The following LRRN1 variants were observed in gnomAD, a reference collection of about 807,000 sequenced individuals.
LRRN1 encodes the protein leucine rich repeat neuronal 1.
A neutral mutation model predicts 45.8 loss-of-function variants in LRRN1; 14 were observed. The ratio of observed to expected loss-of-function variants is 0.31; its 90% CI spans 0.20 to 0.48. The LOEUF (loss-of-function observed/expected upper bound fraction) is 0.48. Among genes scored for constraint, LRRN1 ranks in the 20% least tolerant of loss-of-function variants. The probability of loss-of-function intolerance (pLI) is 0.99; values close to 1 mark genes in which losing one functional copy is unlikely to be tolerated. For missense variants in LRRN1, 789 were observed against 874.2 expected (o/e 0.90, Z 1.23); for synonymous variants, 359 against 330.1 (o/e 1.09, Z -0.95).
rs5846290 is a variant in LRRN1, at chr3:3,800,139, C to CA, written c.-279+237dup. Among the ~76,000 whole-genome samples the CA allele has an allele frequency of 6.7e-3, 693 of 103,894 alleles. 5 individuals are homozygous for CA. Among genetic ancestry groups the CA allele is most frequent in the African/African-American group, 0.019 (503 of 26,552 alleles). The allele number at this position is 103,894 out of a possible 152,430, so 68.2% of individuals were successfully genotyped here. On this transcript the variant is annotated intron_variant, in intron 1 of 1. Transcript: ENST00000319331. ...CCCCGTTTCCCCCCGTCCCCCTTGCCAAAAAAAAAAAAAAAAAGGTGTGGG... is the reference window on the plus strand; with the variant it reads ...CCCCGTTTCCCCCCGTCCCCCTTGCCAAAAAAAAAAAAAAAAAAGGTGTGGG...
At chr3:3,828,768 G>GA (rs946468270) in intron 1 of LRRN1, among the ~76,000 whole-genome samples, 7 of 151,854 alleles carry the variant, frequency 4.6e-5, no homozygotes, top group African/African-American at 1.5e-4. Context: ...CATGATAAAG[G>GA]AAAAAAATGA....
rs145715330 is a variant in LRRN1, at chr3:3,845,963, C to T, written c.1322C>T (p.Thr441Met). The T allele has an allele frequency of 1.2e-5, 20 of 1,614,068 alleles. No individual in the cohort carries two copies. The highest frequency in any genetic ancestry group is 4.5e-5 in the East Asian group (2 of 44,854). The stretch of plus-strand genomic sequence containing the variant: ...AATCGTTTAAACGTGGATATCGGCA[C>T]GACGGTTTTCCTAGACTGTCGAGCC... The part of the protein sequence containing the change: ...FPNRLNVDIG[T>M]TVFLDCRAMA... The change falls in exon 2 of 2, where the codon ACG (threonine) becomes ATG (methionine). Residue 441 changes from threonine to methionine, a missense_variant. By Grantham distance (81) the Thr-to-Met change is moderately conservative (BLOSUM62 -1). Transcript: ENST00000319331. The surrounding 1 kb of genome is among the most constrained non-coding windows in gnomAD (Gnocchi z 6.5).
intron 1 of LRRN1, among the ~76,000 whole-genome samples, chr3:3,800,197 A>G (rs1692616738): frequency 2.0e-5 from 3 of 149,992 alleles, no homozygotes; most frequent in East Asian, 3.9e-4. Context: ...GCCAGATAGA[A>G]ACAGGCAAAA....
chr3:3,840,144 C>T (rs1235589951), intron 1 of LRRN1, among the ~76,000 whole-genome samples: 1 of 151,996 alleles, frequency 6.6e-6, no homozygotes, highest in African/African-American at 2.4e-5. Context: ...TGTGTAGGTA[C>T]TTTCCTTCCA....
At chr3:3,822,409 T>C (rs773091307) in intron 1 of LRRN1, among the ~76,000 whole-genome samples, 1 of 152,204 alleles carries the variant, frequency 6.6e-6, no homozygotes, top group Non-Finnish European at 1.5e-5. Context: ...GAGCTAGCAG[T>C]TTAATTCCTG....
rs1403482010 is a variant in LRRN1, at chr3:3,816,799, G to C, written c.-279+16880G>C. ...AAAAGAAGGCTGCAATGTACTCTTG[G>C]GGTCCAATAAGACAATTAAGGCAGG... is the stretch of plus-strand genomic sequence containing the variant. On this transcript the variant is annotated intron_variant, in intron 1 of 1. Coordinates refer to ENST00000319331, the MANE Select transcript of LRRN1 (RefSeq NM_020873.7). This position sits in a 1 kb window ranked among gnomAD's most constrained non-coding sequence, Gnocchi z 4.0. Among the ~76,000 whole-genome samples, 1 of 152,044 alleles carries C rather than the reference G, an allele frequency of 6.6e-6. No individual in the cohort carries two copies. The highest frequency in any genetic ancestry group is 2.4e-5 in the African/African-American group (1 of 41,380).
chr3:3,803,896 C>A (rs905824318), intron 1 of LRRN1, among the ~76,000 whole-genome samples: 4 of 152,120 alleles, frequency 2.6e-5, no homozygotes, highest in Non-Finnish European at 5.9e-5. Context: ...CAGAATGTAG[C>A]CTCCCGAGTT....
At position 3,846,643 on chromosome 3, in the gene LRRN1, T is replaced by C. The variant is rs754669304; in HGVS notation, c.2002T>C (p.Tyr668His). ...RKNYHHSLKK[Y>H]MQKTSSIPLN... Reference sequence around the variant, plus strand: ...AAACTACCACCACTCATTAAAAAAGTATATGCAAAAAACCTCTTCAATCCC... The same window carrying C: ...AAACTACCACCACTCATTAAAAAAGCATATGCAAAAAACCTCTTCAATCCC... The change falls in exon 2 of 2, where the codon TAT becomes CAT. Residue 668 changes from tyrosine to histidine, a missense_variant. Tyr to His is a moderately conservative substitution (Grantham distance 83, BLOSUM62 2). Coordinates refer to ENST00000319331, the MANE Select transcript of LRRN1 (RefSeq NM_020873.7). The surrounding 1 kb of genome is among the most constrained non-coding windows in gnomAD (Gnocchi z 5.7). 6.2e-7 allele frequency: 1 copy of C among 1,613,974 alleles called. No homozygotes were observed. Among genetic ancestry groups the C allele is most frequent in the Admixed American group, 1.7e-5 (1 of 59,986 alleles).
intron 1 of LRRN1, among the ~76,000 whole-genome samples, chr3:3,844,045 T>G (rs1559311046): frequency 6.6e-6 from 1 of 151,110 alleles, no homozygotes. Flanking sequence ...GTGTGTGCAT[T>G]TGTGTGTGTG....
chr3:3,811,496 A>G (rs1256038564), intron 1 of LRRN1, among the ~76,000 whole-genome samples: 1 of 152,216 alleles, frequency 6.6e-6, no homozygotes, highest in East Asian at 1.9e-4. Flanking sequence ...TCCGTATCAT[A>G]TGTCTATTTC....
intron 1 of LRRN1, among the ~76,000 whole-genome samples, chr3:3,838,417 C>T (rs76972947): frequency 0.094 from 14,342 of 152,140 alleles, 690 homozygotes; most frequent in East Asian, 0.18. Context: ...TTTCCTTATC[C>T]ATTCATTTGT....
At chr3:3,821,204 C>G (rs1693098726) in intron 1 of LRRN1, among the ~76,000 whole-genome samples, 6 of 152,158 alleles carry the variant, frequency 3.9e-5, no homozygotes, top group Admixed American at 3.9e-4. Flanking sequence ...GTGGTGGCCA[C>G]TGGTTACATC....
intron 1 of LRRN1, among the ~76,000 whole-genome samples, chr3:3,830,593 G>C (rs1222269599): frequency 6.6e-6 from 1 of 152,188 alleles, no homozygotes; most frequent in Non-Finnish European, 1.5e-5. Context: ...ACTGATCATA[G>C]GGAACTCCCC....
intron 1 of LRRN1, among the ~76,000 whole-genome samples, chr3:3,836,215 A>G (rs912386251): frequency 2.6e-5 from 4 of 152,222 alleles, no homozygotes; most frequent in Non-Finnish European, 5.9e-5. Context: ...AAAACACTTA[A>G]CATTAAATTT....
chr3:3,828,333 G>A (rs960004292), intron 1 of LRRN1, among the ~76,000 whole-genome samples: 21 of 152,002 alleles, frequency 1.4e-4, no homozygotes, highest in African/African-American at 3.4e-4. Flanking sequence ...TCCAGCACGG[G>A]AGAAAGATGT....
intron 1 of LRRN1, among the ~76,000 whole-genome samples, chr3:3,818,755 T>C (rs916507540): frequency 6.6e-6 from 1 of 152,138 alleles, no homozygotes; most frequent in Non-Finnish European, 1.5e-5. Context: ...GAAGAAGTTA[T>C]AAAGATCATA....
At chr3:3,823,605 A>G (rs1021684642) in intron 1 of LRRN1, among the ~76,000 whole-genome samples, 1 of 152,102 alleles carries the variant, frequency 6.6e-6, no homozygotes, top group African/African-American at 2.4e-5. Flanking sequence ...AAGACATGTT[A>G]TCTCATTTAA....
At position 3,845,831 on chromosome 3, in the gene LRRN1, T is replaced by C. The variant is rs763780599; in HGVS notation, c.1190T>C (p.Met397Thr). 1.2e-6 allele frequency: 2 copies of C among 1,614,164 alleles called. No individual in the cohort carries two copies. The highest frequency in any genetic ancestry group is 3.3e-5 in the Admixed American group (2 of 60,024). Residue 397 changes from methionine (M) to threonine (T), a missense_variant, in exon 2 of 2, where the codon ATG (methionine) becomes ACG (threonine). Transcript: ENST00000319331. This position sits in a 1 kb window ranked among gnomAD's most constrained non-coding sequence, Gnocchi z 6.5. ...TNIRFMEPLS[M>T]FCAMPPEYKG... ...ATCCGCTTCATGGAGCCCCTGTCCATGTTCTGTGCCATGCCGCCCGAATAT... is the reference window on the plus strand; with the variant it reads ...ATCCGCTTCATGGAGCCCCTGTCCACGTTCTGTGCCATGCCGCCCGAATAT...
intron 1 of LRRN1, among the ~76,000 whole-genome samples, chr3:3,817,788 C>A (rs1027395369): frequency 2.0e-5 from 3 of 151,932 alleles, no homozygotes; most frequent in African/African-American, 7.3e-5. Flanking sequence ...CAGCGCAGAG[C>A]TCTAGATGAG....
Sources: gnomAD v4.1 joint callset for allele counts (sites outside exome capture counted in the v4.1 genomes callset) on GRCh38, gnomAD v4.1.1 for gene constraint, Gnocchi (gnomAD v3.1) non-coding constraint, MANE v1.5 for transcripts, NCBI Gene and HGNC (gene_info 2026-07-23, HGNC 2026-07-21) for gene names.